The following SFPQ variants were observed in gnomAD, a reference collection of about 807,000 sequenced individuals.
SFPQ encodes splicing factor, proline- and glutamine-rich.
SFPQ carries 11 observed loss-of-function variants against 72.9 expected under a neutral mutation model. The observed-to-expected ratio is 0.15, with a 90% CI of 0.09 to 0.25. The LOEUF is 0.25. SFPQ is among the 10% of genes least tolerant of loss of function. SFPQ has a pLI of 1.00. For missense variants in SFPQ, 847 were observed against 993.3 expected (o/e 0.85, Z 1.98); for synonymous variants, 506 against 367.3 (o/e 1.38, Z -4.32).
At chr1:35,178,763 G>A (rs760276020), downstream of SFPQ, 28 of 1,053,910 alleles carry the variant, frequency 2.7e-5, no homozygotes, top group Admixed American at 1.2e-3. Flanking sequence ...TACTGCAAAG[G>A]GTATATGAAG....
At chr1:35,180,316 G>C (rs562359608), downstream of SFPQ, 1,040 of 1,040,328 alleles carry the variant, frequency 1.0e-3, 3 homozygotes, top group Middle Eastern at 6.7e-3. Flanking sequence ...TTGTGCTTTT[G>C]AAGACTTAGG....
At chr1:35,189,876 G>A (rs1041595635) in intron 4 of SFPQ, among the ~76,000 whole-genome samples, 1 of 151,970 alleles carries the variant, frequency 6.6e-6, no homozygotes, top group Non-Finnish European at 1.5e-5. Flanking sequence ...ACTTGAACCC[G>A]GGAGGCAAAG....
At chr1:35,178,437 T>C, downstream of SFPQ, 1 of 1,063,476 alleles carries the variant, frequency 9.4e-7, no homozygotes, top group Non-Finnish European at 1.1e-6. Flanking sequence ...CATTCAAGTA[T>C]GTCTTCCATT....
At chr1:35,182,703 G>A (rs973483381), downstream of SFPQ, 6 of 985,398 alleles carry the variant, frequency 6.1e-6, no homozygotes, top group Non-Finnish European at 7.2e-6. Context: ...ACATTCCATA[G>A]TAAGAATTCT....
At chr1:35,192,151 C>CGGGGGCGGGGGCGAGGA (rs1640041086) in intron 1 of SFPQ, 71 bp downstream of exon 1, 2 of 1,217,936 alleles carry the variant, frequency 1.6e-6, no homozygotes, top group East Asian at 3.3e-5. Context: ...AAGCCCAGCG[C>CGGGGGCGGGGGCGAGGA]GGGGGCGGGG....
chr1:35,185,010 A>C (rs191392735), intron 9 of SFPQ, among the ~76,000 whole-genome samples: 13 of 152,368 alleles, frequency 8.5e-5, no homozygotes, highest in Middle Eastern at 3.4e-3. Flanking sequence ...CAGAGATTCA[A>C]TTCACTCAAT....
chr1:35,192,105 G>A (rs1298587560), intron 1 of SFPQ, 117 bp downstream of exon 1: 2 of 853,802 alleles, frequency 2.3e-6, no homozygotes, highest in Non-Finnish European at 3.1e-6. Context: ...CCGCAGCGGC[G>A]CGCGCAAGCG....
At position 35,191,541 on chromosome 1, in the gene SFPQ, G is replaced by A. The variant is rs200722664; in HGVS notation, c.829-12C>T. ...TTGGCTTTAAACCCCTAATGAAAAA[G>A]GAAAGAAGTTTTCAAACACCAGAGA... On this transcript the variant is annotated splice_polypyrimidine_tract_variant and intron_variant, in intron 1 of 9. Transcript: ENST00000357214. 1.4e-4 allele frequency: 226 copies of A among 1,600,106 alleles called. 1 individual carries two copies. In the African/African-American group the frequency reaches 2.6e-3, roughly 19 times the overall value.
rs868659168 is a variant in SFPQ, at chr1:35,192,424, C to A, written c.626G>T (p.Gly209Val). 1 of 1,426,046 alleles carries A rather than the reference C, an allele frequency of 7.0e-7. No homozygotes were observed. Among genetic ancestry groups the A allele is most frequent in the Non-Finnish European group, 9.1e-7 (1 of 1,097,884 alleles). 88.3% of individuals were successfully genotyped at this position (1,426,046 alleles called of 1,614,324 possible). The change falls in exon 1 of 10, where the codon GGC becomes GTC. Residue 209 changes from glycine to valine, a missense_variant. Gly to Val is a moderately radical substitution (Grantham distance 109, BLOSUM62 -3). This residue lies in a region of SFPQ where 498 missense variants were observed against 405.1 expected (regional missense o/e 1.23). Coordinates refer to ENST00000357214, the MANE Select transcript of SFPQ (RefSeq NM_005066.3). The part of the protein sequence containing the change: ...KQGPGPGGPK[G>V]GKMPGGPKPG... ...CTTCGGCCCGCCAGGCATTTTGCCG[C>A]CTTTGGGACCACCCGGACCTGGGCC...
downstream of SFPQ, chr1:35,180,704 C>A: frequency 1.9e-6 from 2 of 1,057,342 alleles, no homozygotes; most frequent in Non-Finnish European, 2.3e-6. Context: ...AATGAAATTA[C>A]TGATATTGCC....
chr1:35,192,465 A>C lies in SFPQ; in HGVS notation c.585T>G (p.Gly195=), dbSNP rs1389749162. 1.6e-5 allele frequency: 22 copies of C among 1,351,492 alleles called. 1 individual carries two copies. In the East Asian group the frequency reaches 5.6e-4, roughly 34 times the overall value. 83.7% of individuals were successfully genotyped at this position (1,351,492 alleles called of 1,614,324 possible). A position where few individuals can be genotyped will look rare whatever the true frequency, so the allele number is the denominator to read the frequency against. ...PPPPAAVPGP[G]PGPKQGPGPG... is the part of the protein sequence containing the mutation. Reference sequence around the variant, plus strand: ...GACCTGGGCCCTGCTTAGGCCCTGGACCCGGGCCCGGGACTGCCGCGGGCG... The same window carrying C: ...GACCTGGGCCCTGCTTAGGCCCTGGCCCCGGGCCCGGGACTGCCGCGGGCG... The change falls in exon 1 of 10, where the codon GGT becomes GGG. Residue 195 remains glycine, a synonymous_variant. Transcript: ENST00000357214.
chr1:35,185,118 T>C (rs1320220860), intron 9 of SFPQ, among the ~76,000 whole-genome samples: 1 of 152,206 alleles, frequency 6.6e-6, no homozygotes, highest in Non-Finnish European at 1.5e-5. Context: ...GTTGCAGAAA[T>C]CTTAAAAGGT....
downstream of SFPQ, chr1:35,181,338 G>T (rs564161384): frequency 1.0e-5 from 11 of 1,065,350 alleles, no homozygotes; most frequent in Non-Finnish European, 1.3e-5. Flanking sequence ...CCACAACTTA[G>T]TGGCTTGCCC....
In SFPQ at chr1:35,193,145, C is replaced by A; in HGVS notation, c.-96G>T. On this transcript the variant is annotated 5_prime_UTR_variant, in exon 1 of 10. Coordinates refer to ENST00000357214, the MANE Select transcript of SFPQ (RefSeq NM_005066.3). Reference sequence around the variant, plus strand: ...CTCACAAAATGGCGGATGACACAGGCGGCGCGCCGCCTTTGTCCTCGTCTT... The same window carrying A: ...CTCACAAAATGGCGGATGACACAGGAGGCGCGCCGCCTTTGTCCTCGTCTT... The A allele has an allele frequency of 6.8e-7, 1 of 1,467,026 alleles. No homozygotes were observed. The highest frequency in any genetic ancestry group is 9.0e-7 in the Non-Finnish European group (1 of 1,117,018). The allele number at this position is 1,467,026 out of a possible 1,614,324, so 90.9% of individuals were successfully genotyped here.
Position 35,190,686 on chromosome 1 carries a change from C to CAACTTA in SFPQ, c.1319+2_1319+7dup, listed in dbSNP as rs1394904837. On this transcript the variant is annotated splice_region_variant and intron_variant, in intron 3 of 9. Coordinates refer to ENST00000357214, the MANE Select transcript of SFPQ (RefSeq NM_005066.3). The stretch of plus-strand genomic sequence containing the variant: ...ATAGAAATTATTAGAATAAACAAGA[C>CAACTTA]AACTTACGTCGTCAGTAAGAAAACA... 1.2e-6 allele frequency: 2 copies of CAACTTA among 1,612,516 alleles called. No individual in the cohort carries two copies. The highest frequency in any genetic ancestry group is 2.7e-5 in the African/African-American group (2 of 74,762).
At position 35,189,346 on chromosome 1, in the gene SFPQ, G is replaced by A. The variant is rs1639880751; in HGVS notation, c.1452C>T (p.Gly484=). The part of the protein sequence containing the change: ...RETPPRFAQH[G]TFEYEYSQRW... ...GCTGAGAATATTCGTACTCAAACGTGCCATGCTGGGCAAAACGAGGAGGGG... is the reference window on the plus strand; with the variant it reads ...GCTGAGAATATTCGTACTCAAACGTACCATGCTGGGCAAAACGAGGAGGGG... The change falls in exon 5 of 10, where the codon GGC becomes GGT. Residue 484 remains glycine (G), a synonymous_variant. Transcript: ENST00000357214. 1 of 1,613,890 alleles carries A rather than the reference G, an allele frequency of 6.2e-7. No individual in the cohort carries two copies. The highest frequency in any genetic ancestry group is 8.5e-7 in the Non-Finnish European group (1 of 1,179,990).
rs1310708681 is a variant in SFPQ, at chr1:35,183,152, G to C, written c.*1304C>G. The C allele has an allele frequency of 9.8e-7, 1 of 1,024,710 alleles. No homozygotes were observed. The highest frequency in any genetic ancestry group is 1.7e-5 in the African/African-American group (1 of 58,734). 63.5% of individuals were successfully genotyped at this position (1,024,710 alleles called of 1,614,324 possible). A position where few individuals can be genotyped will look rare whatever the true frequency, so the allele number is the denominator to read the frequency against. ...ATAGTCCTATAGATTTTGCCCAACA[G>C]AAGTAGCACAAGGAGATGTAAAAGT... On this transcript the variant is annotated 3_prime_UTR_variant, in exon 10 of 10. Transcript: ENST00000357214.
intron 6 of SFPQ, among the ~76,000 whole-genome samples, chr1:35,188,717 G>A (rs1379611617): frequency 2.6e-5 from 4 of 152,184 alleles, no homozygotes; most frequent in Non-Finnish European, 5.9e-5. Flanking sequence ...AGCACTTTGG[G>A]AGGCAGAGAC....
intron 4 of SFPQ, chr1:35,177,461 T>TC (rs1008078504): frequency 6.6e-6 from 1 of 152,128 alleles, no homozygotes; most frequent in Non-Finnish European, 1.5e-5. Context: ...AAGCGATCCC[T>TC]CCCACCTCAG....
Sources: allele counts gnomAD v4.1 joint callset (sites outside exome capture counted in the v4.1 genomes callset), GRCh38; gene constraint gnomAD v4.1.1; regional missense constraint gnomAD v4.1.1; transcripts MANE v1.5; gene names NCBI Gene and HGNC (gene_info 2026-07-23, HGNC 2026-07-21).